TPO: variants seen among roughly 807,000 people sequenced by gnomAD.
The protein encoded by TPO is thyroid microsomal antigen.
Under a neutral mutation model 96.9 loss-of-function variants are expected in TPO, and 78 were observed. The ratio of observed to expected loss-of-function variants is 0.81; its 90% CI spans 0.67 to 0.97. TPO has a LOEUF of 0.97. TPO is among the 50% of genes least tolerant of loss of function. The pLI, the probability that TPO is intolerant of heterozygous loss-of-function variation, is 0.00. For missense variants in TPO, 1,252 were observed against 1,274.8 expected, an observed-to-expected ratio of 0.98 and a Z score of 0.27; for synonymous variants, 547 against 538.0, an observed-to-expected ratio of 1.02 and a Z score of -0.23.
intron 1 of TPO, among the ~76,000 whole-genome samples, chr2:1,389,591 T>C (rs1178299036): frequency 2.6e-5 from 4 of 152,176 alleles, no homozygotes; most frequent in African/African-American, 7.2e-5. Flanking sequence ...ATGTTAGTCC[T>C]TACCATGGTG....
chr2:1,438,779 A>AT (rs3036132), intron 5 of TPO: 16,985 of 663,868 alleles, frequency 0.026, 70 homozygotes, highest in East Asian at 0.11. Context: ...TTAACTGGAG[A>AT]TTTTTTTTTT....
chr2:1,444,111 C>G (rs1666508550), intron 5 of TPO, among the ~76,000 whole-genome samples: 1 of 135,678 alleles, frequency 7.4e-6, no homozygotes, highest in Non-Finnish European at 1.5e-5. Flanking sequence ...GGGCAGGCTC[C>G]TTCTTGTTTG....
At chr2:1,441,644 TG>T (rs1185480006) in intron 5 of TPO, among the ~76,000 whole-genome samples, 3 of 152,148 alleles carry the variant, frequency 2.0e-5, no homozygotes, top group Non-Finnish European at 2.9e-5. Flanking sequence ...CTGAGGCTGT[TG>T]TTCCTCACCT....
chr2:1,425,033 C>T (rs62105601), intron 3 of TPO, among the ~76,000 whole-genome samples: 38,422 of 97,248 alleles, frequency 0.4, 9,010 homozygotes, highest in South Asian at 0.52. Context: ...AAGTCCGTGC[C>T]CCTTCTGTAA....
At chr2:1,419,278 G>C (rs1441980128) in intron 2 of TPO, among the ~76,000 whole-genome samples, 1 of 152,048 alleles carries the variant, frequency 6.6e-6, no homozygotes, top group Non-Finnish European at 1.5e-5. Context: ...AAAAACTTCG[G>C]GTTCAAACTC....
chr2:1,398,488 C>T (rs1439720339), intron 1 of TPO, among the ~76,000 whole-genome samples: 1 of 152,234 alleles, frequency 6.6e-6, no homozygotes, highest in Non-Finnish European at 1.5e-5. Flanking sequence ...AAGACCACTC[C>T]ATGGGTTCTC....
chr2:1,492,088 G>A (rs894750349), intron 10 of TPO, among the ~76,000 whole-genome samples: 24 of 152,214 alleles, frequency 1.6e-4, no homozygotes, highest in Non-Finnish European at 3.4e-4. Flanking sequence ...GTGAACCAGG[G>A]AGCCACCTGC....
chr2:1,419,170 C>T (rs1663250514), intron 2 of TPO, among the ~76,000 whole-genome samples: 1 of 152,110 alleles, frequency 6.6e-6, no homozygotes, highest in South Asian at 2.1e-4. Context: ...AGAGCAGGAG[C>T]AATCTTGAGA....
chr2:1,483,947 A>G (rs1488832680), intron 8 of TPO, among the ~76,000 whole-genome samples: 1 of 152,208 alleles, frequency 6.6e-6, no homozygotes, highest in Non-Finnish European at 1.5e-5. Flanking sequence ...GCTAAAAGAG[A>G]AGATTCATAT....
At chr2:1,533,143 C>A (rs1414070368) in intron 15 of TPO, among the ~76,000 whole-genome samples, 1 of 129,788 alleles carries the variant, frequency 7.7e-6, no homozygotes, top group Non-Finnish European at 1.6e-5. Flanking sequence ...TGTGCAACGT[C>A]CCCAAATCCC....
chr2:1,535,880 C>G (rs1181860094), intron 15 of TPO, among the ~76,000 whole-genome samples: 2 of 73,726 alleles, frequency 2.7e-5, no homozygotes, highest in African/African-American at 8.7e-5. Context: ...TGTGCAACCT[C>G]AAGTCCCCGA....
At chr2:1,403,731 A>T (rs1486573771) in intron 1 of TPO, among the ~76,000 whole-genome samples, 1 of 152,140 alleles carries the variant, frequency 6.6e-6, no homozygotes, top group Non-Finnish European at 1.5e-5. Context: ...AGATGGCTCC[A>T]TCTCCCTCCT....
intron 1 of TPO, among the ~76,000 whole-genome samples, chr2:1,396,729 A>C (rs926324905): frequency 2.0e-5 from 3 of 152,168 alleles, no homozygotes; most frequent in Non-Finnish European, 4.4e-5. Context: ...AGAAGCTGTC[A>C]GTGTCTGTTA....
At chr2:1,462,771 A>G (rs550003283) in intron 7 of TPO, among the ~76,000 whole-genome samples, 2 of 152,230 alleles carry the variant, frequency 1.3e-5, no homozygotes, top group Non-Finnish European at 2.9e-5. Flanking sequence ...CCCTAGGGAC[A>G]ATGTCCAAAC....
intron 4 of TPO, among the ~76,000 whole-genome samples, chr2:1,435,647 A>G (rs1425270984): frequency 6.6e-6 from 1 of 152,226 alleles, no homozygotes; most frequent in African/African-American, 2.4e-5. Flanking sequence ...AATAACATAT[A>G]AATTATAGTG....
At chr2:1,429,964 C>T (rs1008974676) in intron 3 of TPO, among the ~76,000 whole-genome samples, 30 of 152,174 alleles carry the variant, frequency 2.0e-4, no homozygotes, top group African/African-American at 7.2e-4. Flanking sequence ...AAAACAATAT[C>T]CTGTTTTCAG....
chr2:1,459,738 C>A (rs1053371037), intron 7 of TPO, among the ~76,000 whole-genome samples: 1 of 152,126 alleles, frequency 6.6e-6, no homozygotes, highest in Admixed American at 6.5e-5. Context: ...GGAAAAGGAG[C>A]ACCATAAAGA....
At chr2:1,493,462 TCA>T (rs67495882) in intron 10 of TPO, among the ~76,000 whole-genome samples, 4,674 of 140,178 alleles carry the variant, frequency 0.033, 225 homozygotes, top group African/African-American at 0.12. Context: ...CCGGGCAGTG[TCA>T]CAGGGTGGGA....
At chr2:1,485,046 A>G (rs1671006419) in intron 9 of TPO, among the ~76,000 whole-genome samples, 192 bp downstream of exon 9, 1 of 151,816 alleles carries the variant, frequency 6.6e-6, no homozygotes, top group Admixed American at 6.6e-5. Context: ...TCCTAATGCT[A>G]TCCCTCCCCC....
Sources: gnomAD v4.1 joint callset for allele counts (sites outside exome capture counted in the v4.1 genomes callset) on GRCh38, gnomAD v4.1.1 for gene constraint, MANE v1.5 for transcripts, NCBI Gene and HGNC (gene_info 2026-07-23, HGNC 2026-07-21) for gene names.